Variants in NFATC3 observed in about 807,000 individuals in gnomAD.
NFATC3 encodes nuclear factor of activated T-cells, cytoplasmic 3.
A neutral mutation model predicts 98.6 loss-of-function variants in NFATC3; 46 were observed. The ratio of observed to expected loss-of-function variants is 0.47; its 90% confidence interval spans 0.37 to 0.60. The LOEUF (loss-of-function observed/expected upper bound fraction) is 0.60, where lower values mean the gene tolerates loss of function less well. Ranked by LOEUF, NFATC3 falls within the 20% of genes least tolerant of loss-of-function variation. The pLI is 0.00. For synonymous variants in NFATC3, 512 were observed against 472.2 expected (o/e 1.08, Z -1.09); for missense variants, 1,256 against 1,295.5 (o/e 0.97, Z 0.47).
intron 9 of NFATC3, among the ~76,000 whole-genome samples, chr16:68,203,119 T>C (rs1261273409): frequency 3.3e-5 from 5 of 152,114 alleles, no homozygotes; most frequent in Admixed American, 3.3e-4. Flanking sequence ...AGATGGACCA[T>C]GATGGGGATT....
intron 5 of NFATC3, among the ~76,000 whole-genome samples, chr16:68,172,131 C>G (rs567128046): frequency 6.6e-6 from 1 of 152,302 alleles, no homozygotes; most frequent in South Asian, 2.1e-4. Flanking sequence ...CCGCGCCTGG[C>G]CCACGTAGGC....
intron 7 of NFATC3, among the ~76,000 whole-genome samples, chr16:68,181,873 G>A (rs959585968): frequency 6.6e-6 from 1 of 152,174 alleles, no homozygotes; most frequent in African/African-American, 2.4e-5. Context: ...GCTGCAGTGA[G>A]CCATGATCAT....
intron 9 of NFATC3, among the ~76,000 whole-genome samples, chr16:68,196,712 C>A (rs2040688756): frequency 6.6e-6 from 1 of 151,278 alleles, no homozygotes; most frequent in Non-Finnish European, 1.5e-5. Flanking sequence ...GAAAAAAAAA[C>A]AACTTTTAAT....
intron 3 of NFATC3, among the ~76,000 whole-genome samples, chr16:68,156,893 C>T (rs1300893764): frequency 1.3e-5 from 2 of 152,012 alleles, no homozygotes; most frequent in African/African-American, 4.8e-5. Flanking sequence ...GAGCAGAGAT[C>T]GTACCACTAT....
chr16:68,223,175 T>G (rs1432094885), intron 9 of NFATC3, among the ~76,000 whole-genome samples: 1 of 152,270 alleles, frequency 6.6e-6, no homozygotes, highest in Non-Finnish European at 1.5e-5. Flanking sequence ...TTAGTTTATA[T>G]TCCATTATTC....
chr16:68,206,308 T>G (rs1483384285), intron 9 of NFATC3, among the ~76,000 whole-genome samples: 1 of 152,174 alleles, frequency 6.6e-6, no homozygotes, highest in African/African-American at 2.4e-5. Flanking sequence ...TTAAATACAT[T>G]CACAATATTG....
chr16:68,192,225 AAAAAAATATATAT>A (rs1391067427), intron 9 of NFATC3: 6 of 79,066 alleles, frequency 7.6e-5, no homozygotes, highest in South Asian at 8.6e-4. Flanking sequence ...AAAAAAAAAA[AAAAAAATATATAT>A]ATATATATAT....
intron 1 of NFATC3, among the ~76,000 whole-genome samples, chr16:68,098,095 T>C (rs1202682913): frequency 6.6e-6 from 1 of 152,100 alleles, no homozygotes; most frequent in East Asian, 1.9e-4. Context: ...ATTTATTTTA[T>C]CCATTCACCT....
At chr16:68,187,776 C>T (rs887580925) in intron 8 of NFATC3, among the ~76,000 whole-genome samples, 4 of 152,120 alleles carry the variant, frequency 2.6e-5, no homozygotes, top group African/African-American at 9.7e-5. Context: ...GCTGACTGGT[C>T]CATGGGGGGG....
At chr16:68,160,079 A>G (rs1297663626) in intron 4 of NFATC3, among the ~76,000 whole-genome samples, 1 of 151,804 alleles carries the variant, frequency 6.6e-6, no homozygotes, top group Non-Finnish European at 1.5e-5. Flanking sequence ...AGAAAAAGAA[A>G]CCCCAAAAAA....
intron 5 of NFATC3, 145 bp downstream of exon 5, chr16:68,167,160 C>T: frequency 1.2e-6 from 1 of 801,150 alleles, no homozygotes; most frequent in Non-Finnish European, 2.0e-6. Flanking sequence ...TGGAAATGAG[C>T]TAACATGTTT....
At chr16:68,221,213 A>C in intron 9 of NFATC3, 1 of 1,614,120 alleles carries the variant, frequency 6.2e-7, no homozygotes, top group Non-Finnish European at 8.5e-7. Flanking sequence ...TACCAGTAAT[A>C]ATTTTGACTT....
At chr16:68,143,753 G>A (rs2037885424) in intron 3 of NFATC3, among the ~76,000 whole-genome samples, 1 of 152,092 alleles carries the variant, frequency 6.6e-6, no homozygotes, top group Non-Finnish European at 1.5e-5. Context: ...TCTGGAGGCT[G>A]AGGCAGGAGA....
intron 4 of NFATC3, 115 bp downstream of exon 4, chr16:68,158,183 A>G: frequency 1.5e-6 from 1 of 655,522 alleles, no homozygotes; most frequent in African/African-American, 1.8e-5. Context: ...GCATTATGTA[A>G]ATAATGTACA....
intron 3 of NFATC3, among the ~76,000 whole-genome samples, chr16:68,128,848 C>T (rs1308507503): frequency 6.6e-6 from 1 of 151,268 alleles, no homozygotes; most frequent in Non-Finnish European, 1.5e-5. Context: ...TGCTGTAGCT[C>T]ATGCCTGTAA....
intron 1 of NFATC3, chr16:68,088,905 C>G (rs1363738555): frequency 1.1e-6 from 1 of 887,712 alleles, no homozygotes; most frequent in Non-Finnish European, 1.3e-6. Flanking sequence ...CTCCTGGGCT[C>G]TCCTGTTCTG....
At chr16:68,192,319 G>GTATATATA (rs750414443) in intron 9 of NFATC3, 5 of 130,782 alleles carry the variant, frequency 3.8e-5, no homozygotes, top group African/African-American at 1.5e-4. Flanking sequence ...ATATGTATGT[G>GTATATATA]TATATATATA....
chr16:68,180,207 A>G (rs1050303516), intron 6 of NFATC3, among the ~76,000 whole-genome samples: 3 of 152,192 alleles, frequency 2.0e-5, no homozygotes, highest in African/African-American at 4.8e-5. Flanking sequence ...GCTAGCCAGT[A>G]GGAGAGGAGA....
chr16:68,100,037 G>A (rs1045160011), intron 1 of NFATC3, among the ~76,000 whole-genome samples: 3 of 152,076 alleles, frequency 2.0e-5, no homozygotes, highest in East Asian at 1.9e-4. Context: ...CCAAGTTGTC[G>A]AGTATATTAA....
Sources: allele counts gnomAD v4.1 joint callset (sites outside exome capture counted in the v4.1 genomes callset), GRCh38; gene constraint gnomAD v4.1.1; transcripts MANE v1.5; gene names NCBI Gene and HGNC (gene_info 2026-07-23, HGNC 2026-07-21).